DSCAM: variants seen among roughly 807,000 people sequenced by gnomAD.
The protein encoded by DSCAM is DS cell adhesion molecule, also known as cell adhesion molecule DSCAM.
A neutral mutation model predicts 217.7 loss-of-function variants in DSCAM; 47 were observed. The ratio of observed to expected loss-of-function variants is 0.22; its 90% CI spans 0.17 to 0.28. The LOEUF is 0.28. Ranked by LOEUF, DSCAM falls within the 10% of genes least tolerant of loss-of-function variation. DSCAM has a pLI of 1.00. For synonymous variants in DSCAM, 1,056 were observed against 1,015.3 expected (o/e 1.04, Z -0.76); for missense variants, 2,080 against 2,618.3 (o/e 0.79, Z 4.49).
At chr21:40,508,681 A>G (rs1381038373) in intron 3 of DSCAM, among the ~76,000 whole-genome samples, 3 of 140,192 alleles carry the variant, frequency 2.1e-5, no homozygotes, top group African/African-American at 7.9e-5. Context: ...GGAACCACCT[A>G]CCTCAGCCTC....
At chr21:40,809,018 TG>T (rs1302553835) in intron 1 of DSCAM, among the ~76,000 whole-genome samples, 11 of 152,132 alleles carry the variant, frequency 7.2e-5, no homozygotes, top group South Asian at 2.1e-4. Context: ...TCAATCTGAT[TG>T]TTCTTGAACA....
chr21:40,339,159 C>T lies in DSCAM; in HGVS notation c.1467G>A (p.Ser489=), dbSNP rs1202424269. The T allele has an allele frequency of 3.7e-6, 6 of 1,614,166 alleles. No individual in the cohort carries two copies. The highest frequency in any genetic ancestry group is 2.5e-6 in the Non-Finnish European group (3 of 1,180,022). ...GAGCCTGGTACAGGACGACTCCCGC[C>T]GAGTTGTTGGCAGTGCAGCGGTAGA... The part of the protein sequence containing the change: ...GGVYRCTANN[S]AGVVLYQARI... Residue 489 remains serine, a synonymous_variant, in exon 7 of 33, where the codon TCG becomes TCA. Coordinates refer to ENST00000400454, the MANE Select transcript of DSCAM (RefSeq NM_001389.5).
chr21:40,227,335 C>T (rs1252045741), intron 11 of DSCAM, among the ~76,000 whole-genome samples: 1 of 152,176 alleles, frequency 6.6e-6, no homozygotes, highest in African/African-American at 2.4e-5. Flanking sequence ...ACTCAGCCTC[C>T]CAGCTGCCAC....
intron 32 of DSCAM, among the ~76,000 whole-genome samples, chr21:40,030,405 G>A (rs375091452): frequency 6.6e-6 from 1 of 152,136 alleles, no homozygotes; most frequent in East Asian, 1.9e-4. Context: ...ATAAAACGTG[G>A]GAGGGGAGTA....
At chr21:40,167,115 AG>A (rs2090603632) in intron 16 of DSCAM, 102 bp downstream of exon 16, 1 of 1,024,814 alleles carries the variant, frequency 9.8e-7, no homozygotes, top group Non-Finnish European at 1.4e-6. Flanking sequence ...AAAAAATAAA[AG>A]TTTTGTAAAA....
chr21:40,685,222 A>G (rs2090460300), intron 3 of DSCAM, among the ~76,000 whole-genome samples: 1 of 152,226 alleles, frequency 6.6e-6, no homozygotes, highest in Admixed American at 6.5e-5. Context: ...AAAAAGTTGC[A>G]TGGCACAGAG....
intron 1 of DSCAM, among the ~76,000 whole-genome samples, chr21:40,835,019 T>C (rs1295937913): frequency 6.6e-6 from 1 of 152,166 alleles, no homozygotes; most frequent in Non-Finnish European, 1.5e-5. Context: ...TTCACTCTTA[T>C]CAAGAGATGC....
chr21:40,826,145 T>C (rs2091966927), intron 1 of DSCAM, among the ~76,000 whole-genome samples: 1 of 152,232 alleles, frequency 6.6e-6, no homozygotes, highest in Non-Finnish European at 1.5e-5. Context: ...AAGGAGAAAC[T>C]GAACAATCAA....
chr21:40,085,604 T>C lies in DSCAM; in HGVS notation c.4130A>G (p.Gln1377Arg), dbSNP rs201027594. 4.5e-6 allele frequency: 7 copies of C among 1,559,716 alleles called. No homozygotes were observed. Among genetic ancestry groups the C allele is most frequent in the South Asian group, 1.2e-5 (1 of 84,976 alleles). Residue 1377 changes from glutamine to arginine, a missense_variant and splice_region_variant, in exon 23 of 33, where the codon CAA becomes CGA. By Grantham distance (43) the Gln-to-Arg change is conservative. Transcript: ENST00000400454. ...SDEIILNLQV[Q>R]VPPDQPRLTV... ...AAAAGAGTCCTCAAATGTTGTACCT[T>C]GTACTTGTAAGTTTAAAATAATTTC... is the stretch of plus-strand genomic sequence containing the variant.
chr21:40,064,346 C>T (rs1377697297), intron 27 of DSCAM, among the ~76,000 whole-genome samples: 3 of 152,088 alleles, frequency 2.0e-5, no homozygotes, highest in Non-Finnish European at 4.4e-5. Flanking sequence ...CCTCAATTGT[C>T]TTCTGATCAA....
chr21:40,370,722 GC>G (rs992399560), intron 3 of DSCAM, among the ~76,000 whole-genome samples: 34 of 152,144 alleles, frequency 2.2e-4, no homozygotes, highest in Non-Finnish European at 4.3e-4. Context: ...CTGAGCTCAA[GC>G]AATCCTTCCA....
intron 19 of DSCAM, 135 bp from the exon 20 acceptor site, chr21:40,124,463 C>T (rs2090072798): frequency 4.5e-6 from 5 of 1,101,992 alleles, no homozygotes; most frequent in Non-Finnish European, 5.2e-6. Context: ...CGCTGTGTCC[C>T]CCCAAATGCA....
chr21:40,017,686 G>T (rs569258212), intron 32 of DSCAM, among the ~76,000 whole-genome samples: 1 of 151,914 alleles, frequency 6.6e-6, no homozygotes, highest in Admixed American at 6.6e-5. Context: ...TGAGTAGCTG[G>T]GATTACAGGC....
At chr21:40,039,324 T>C (rs1251351582) in intron 32 of DSCAM, among the ~76,000 whole-genome samples, 1 of 151,614 alleles carries the variant, frequency 6.6e-6, no homozygotes, top group Non-Finnish European at 1.5e-5. Flanking sequence ...AAAAAAAGAA[T>C]GGAAAATAAG....
intron 28 of DSCAM, among the ~76,000 whole-genome samples, chr21:40,056,787 A>C (rs2089031969): frequency 6.6e-6 from 1 of 152,208 alleles, no homozygotes; most frequent in African/African-American, 2.4e-5. Flanking sequence ...TTTGAGAAAG[A>C]TTTCTGGAGC....
At chr21:40,386,137 C>CTTTTTTATT (rs1491309066) in intron 3 of DSCAM, among the ~76,000 whole-genome samples, 3,526 of 152,300 alleles carry the variant, frequency 0.023, 125 homozygotes, top group African/African-American at 0.081. Flanking sequence ...GATCTTAACA[C>CTTTTTTATT]TGTGCTTTTA....
intron 8 of DSCAM, among the ~76,000 whole-genome samples, chr21:40,332,420 C>A (rs938432910): frequency 2.0e-5 from 3 of 152,164 alleles, no homozygotes; most frequent in Non-Finnish European, 2.9e-5. Context: ...ATCTACGTTA[C>A]AGAGTCACTG....
chr21:40,130,354 T>C (rs1322327672), intron 19 of DSCAM, among the ~76,000 whole-genome samples: 3 of 152,204 alleles, frequency 2.0e-5, no homozygotes, highest in African/African-American at 7.2e-5. Flanking sequence ...TTCGTGTTTC[T>C]GCAGCAATAA....
intron 1 of DSCAM, among the ~76,000 whole-genome samples, chr21:40,719,709 A>T (rs769095970): frequency 6.6e-6 from 1 of 152,220 alleles, no homozygotes; most frequent in African/African-American, 2.4e-5. Context: ...TTTACACTGT[A>T]TTGTTCCATT....
Sources: gnomAD v4.1 joint callset for allele counts (sites outside exome capture counted in the v4.1 genomes callset) on GRCh38, gnomAD v4.1.1 for gene constraint, MANE v1.5 for transcripts, NCBI Gene and HGNC (gene_info 2026-07-23, HGNC 2026-07-21) for gene names.